Variants in HSP90AA1 observed in about 807,000 individuals in gnomAD.
HSP90AA1 encodes heat shock protein 90 alpha family class A member 1, also known as heat shock protein HSP 90-alpha.
In HSP90AA1, 18 loss-of-function variants were observed where a neutral mutation model predicts 73.3. That is an observed-to-expected ratio of 0.25 (90% CI 0.17 to 0.36). HSP90AA1 has a LOEUF of 0.36. Ranked by LOEUF, HSP90AA1 falls within the 10% of genes least tolerant of loss-of-function variation. The pLI is 1.00. For synonymous variants in HSP90AA1, 477 were observed against 296.9 expected (o/e 1.61, Z -6.24); for missense variants, 704 against 874.2 (o/e 0.81, Z 2.45).
At chr14:102,123,535 G>C (rs200247239) in intron 1 of HSP90AA1, among the ~76,000 whole-genome samples, 1 of 140,634 alleles carries the variant, frequency 7.1e-6, no homozygotes, top group Non-Finnish European at 1.5e-5. Context: ...AAAACCTTGT[G>C]GTTTTTTTTT....
chr14:102,112,845 A>G (rs2152622202), intron 1 of HSP90AA1, among the ~76,000 whole-genome samples: 1 of 152,270 alleles, frequency 6.6e-6, no homozygotes, highest in East Asian at 1.9e-4. Context: ...TTTAATATTC[A>G]AGAGGTTTTT....
rs182005067 is a variant in HSP90AA1, at chr14:102,083,532, T to C, written c.1486+14A>G. 6.8e-6 allele frequency: 11 copies of C among 1,611,734 alleles called. No individual in the cohort carries two copies. Among genetic ancestry groups the C allele is most frequent in the South Asian group, 1.1e-5 (1 of 91,020 alleles). Reference sequence around the variant, plus strand: ...AAGAACGACGTGTATGACTGTAACATAGTGTTCTCTTACCTGTGATATAAT... The same window carrying C: ...AAGAACGACGTGTATGACTGTAACACAGTGTTCTCTTACCTGTGATATAAT... On this transcript the variant is annotated intron_variant, in intron 8 of 10. Coordinates refer to ENST00000216281, the MANE Select transcript of HSP90AA1 (RefSeq NM_005348.4).
intron 1 of HSP90AA1, among the ~76,000 whole-genome samples, chr14:102,105,832 G>A (rs886931653): frequency 6.6e-6 from 1 of 152,214 alleles, no homozygotes; most frequent in Non-Finnish European, 1.5e-5. Flanking sequence ...CACTTTGGGA[G>A]GGTGAGATAG....
intron 1 of HSP90AA1, among the ~76,000 whole-genome samples, chr14:102,138,957 G>GA (rs1224774746): frequency 1.7e-4 from 25 of 149,462 alleles, no homozygotes; most frequent in South Asian, 4.2e-4. Flanking sequence ...GAGGCTTCTG[G>GA]AAAAAAAAAC....
chr14:102,089,132 G>T (rs1316740477), upstream of HSP90AA1, among the ~76,000 whole-genome samples: 1 of 152,092 alleles, frequency 6.6e-6, no homozygotes, highest in Non-Finnish European at 1.5e-5. Context: ...TGTTGGCCAG[G>T]CTGGTCTCGA....
intron 1 of HSP90AA1, among the ~76,000 whole-genome samples, chr14:102,136,906 A>C (rs1260191591): frequency 1.5e-5 from 2 of 134,224 alleles, no homozygotes; most frequent in Non-Finnish European, 3.2e-5. Context: ...AAAAGGAAAC[A>C]AAAAAAAAAG....
intron 4 of HSP90AA1, 75 bp downstream of exon 4, chr14:102,085,223 G>A (rs1188561889): frequency 9.3e-6 from 14 of 1,505,984 alleles, no homozygotes; most frequent in Admixed American, 1.7e-5. Context: ...AACAGATCTA[G>A]GGACTAAGGA....
rs1414245028 is a variant in HSP90AA1, at chr14:102,086,285, A to G, written c.94T>C (p.Leu32=). 6.8e-6 allele frequency: 11 copies of G among 1,613,642 alleles called. No individual in the cohort carries two copies. Among genetic ancestry groups the G allele is most frequent in the East Asian group, 2.2e-5 (1 of 44,878 alleles). ...TTCGAGTAGAAAGTATTGATGATCA[A>G]TGACATCAACTGGGCAATTTCTGCC... The part of the protein sequence containing the change: ...FQAEIAQLMS[L]IINTFYSNKE... Residue 32 remains leucine (L), a synonymous_variant, in exon 2 of 11, where the codon TTG becomes CTG. Coordinates refer to ENST00000216281, the MANE Select transcript of HSP90AA1 (RefSeq NM_005348.4).
chr14:102,093,922 C>T (rs970710477), intron 2 of HSP90AA1, among the ~76,000 whole-genome samples: 1 of 152,046 alleles, frequency 6.6e-6, no homozygotes, highest in Non-Finnish European at 1.5e-5. Context: ...TGCAGTGAGC[C>T]AAGATTGTGC....
At position 102,080,996 on chromosome 14, in the gene HSP90AA1, CTG is replaced by C. The variant is rs1468979357; in HGVS notation, c.*714_*715del. The C allele has an allele frequency of 4.4e-6, 1 of 227,310 alleles. No homozygotes were observed. The highest frequency in any genetic ancestry group is 8.7e-6 in the Non-Finnish European group (1 of 114,414). 14.1% of individuals were successfully genotyped at this position (227,310 alleles called of 1,614,324 possible). ...CTCATGTTTTACATTTTGGCACTAA[CTG>C]TCATCCAGATACTCCCCTTTCCCCC... On this transcript the variant is annotated 3_prime_UTR_variant, in exon 11 of 11. Coordinates refer to ENST00000216281, the MANE Select transcript of HSP90AA1 (RefSeq NM_005348.4).
At chr14:102,098,791 G>T (rs952070535) in intron 2 of HSP90AA1, among the ~76,000 whole-genome samples, 1 of 151,982 alleles carries the variant, frequency 6.6e-6, no homozygotes, top group Non-Finnish European at 1.5e-5. Flanking sequence ...CGCCTCCGGG[G>T]TTCAAGTGAT....
intron 1 of HSP90AA1, among the ~76,000 whole-genome samples, chr14:102,112,979 A>G (rs2049660305): frequency 6.6e-6 from 1 of 152,002 alleles, no homozygotes; most frequent in South Asian, 2.1e-4. Flanking sequence ...TGTTTTCTTC[A>G]ATATTATTTT....
Position 102,085,437 on chromosome 14 carries a change from AGAG to A in HSP90AA1, c.530-9_530-7del, listed in dbSNP as rs776932150. 2.5e-5 allele frequency: 39 copies of A among 1,567,516 alleles called. No homozygotes were observed. The highest frequency in any genetic ancestry group is 1.5e-4 in the South Asian group (13 of 88,776). On this transcript the variant is annotated splice_polypyrimidine_tract_variant and splice_region_variant and intron_variant, in intron 3 of 10. Coordinates refer to ENST00000216281, the MANE Select transcript of HSP90AA1 (RefSeq NM_005348.4). ...TCCACGACCCATAGGTTCACCTGCA[AGAG>A]AAGAAAGAAAAATTGACTTAATACA... is the stretch of plus-strand genomic sequence containing the variant.
chr14:102,131,973 A>G (rs2049911787), intron 1 of HSP90AA1, among the ~76,000 whole-genome samples: 1 of 152,234 alleles, frequency 6.6e-6, no homozygotes, highest in African/African-American at 2.4e-5. Context: ...GTGGTGGCTC[A>G]TACCTGTAAT....
In HSP90AA1 at chr14:102,086,041, C is replaced by T. The variant is rs759071748; in HGVS notation, c.246G>A (p.Pro82=). The T allele has an allele frequency of 1.2e-6, 2 of 1,613,808 alleles. No homozygotes were observed. The highest frequency in any genetic ancestry group is 1.7e-6 in the Non-Finnish European group (2 of 1,179,852). ...SGKELHINLI[P]NKQDRTLTIV... ...TAGTGAGAGTTCGATCTTGTTTGTT[C>T]GGTATAAGGTTAATATGCAGCTCTT... is the stretch of plus-strand genomic sequence containing the variant. The change falls in exon 3 of 11, where the codon CCG becomes CCA. Residue 82 remains proline (P), a synonymous_variant. Coordinates refer to ENST00000216281, the MANE Select transcript of HSP90AA1 (RefSeq NM_005348.4).
At position 102,081,680 on chromosome 14, in the gene HSP90AA1, A is replaced by C; in HGVS notation, c.*32T>G. 1 of 873,608 alleles carries C rather than the reference A, an allele frequency of 1.1e-6. No individual in the cohort carries two copies. The highest frequency in any genetic ancestry group is 2.4e-5 in the East Asian group (1 of 41,602). The allele number at this position is 873,608 out of a possible 1,614,324, so 54.1% of individuals were successfully genotyped here. On this transcript the variant is annotated 3_prime_UTR_variant, in exon 11 of 11. Transcript: ENST00000216281. The stretch of plus-strand genomic sequence containing the variant: ...TATATTATCAGAGGAATTGTAGAGT[A>C]CTGAACAGGTAAGTCATCCCTCAGC...
Position 102,084,909 on chromosome 14 carries a change from C to T in HSP90AA1, c.753G>A (p.Glu251=), listed in dbSNP as rs534473671. 6.3e-7 allele frequency: 1 copy of T among 1,579,130 alleles called. No homozygotes were observed. Among genetic ancestry groups the T allele is most frequent in the Non-Finnish European group, 8.7e-7 (1 of 1,148,802 alleles). ...CTTCAATTTCAGGTTTGTCTTCCGA[C>T]TCTTTCTCTTCTTTTTCTTTTTCTT... The part of the protein sequence containing the change: ...KEEEKEKEEK[E]SEDKPEIEDV... Residue 251 remains glutamate (E), a synonymous_variant, in exon 5 of 11, where the codon GAG becomes GAA. Transcript: ENST00000216281.
At chr14:102,084,119 G>T (rs1276407206) in intron 6 of HSP90AA1, 136 bp from the exon 7 acceptor site, 2 of 801,858 alleles carry the variant, frequency 2.5e-6, no homozygotes, top group South Asian at 1.5e-5. Context: ...GCCCAGGCTG[G>T]AGGGCAGTGG....
intron 1 of HSP90AA1, among the ~76,000 whole-genome samples, chr14:102,131,452 T>C (rs1426784646): frequency 1.3e-5 from 2 of 152,184 alleles, no homozygotes; most frequent in African/African-American, 2.4e-5. Context: ...TACTCTTGCT[T>C]CCTTAAATCT....
Sources: allele counts gnomAD v4.1 joint callset (sites outside exome capture counted in the v4.1 genomes callset), GRCh38; gene constraint gnomAD v4.1.1; transcripts MANE v1.5; gene names NCBI Gene and HGNC (gene_info 2026-07-23, HGNC 2026-07-21).